HOXB3: variants seen among roughly 807,000 people sequenced by gnomAD.
The protein encoded by HOXB3 is homeobox protein Hox-B3.
Under a neutral mutation model 29.2 loss-of-function variants are expected in HOXB3, and 17 were observed. That is an observed-to-expected ratio of 0.58 (90% confidence interval 0.40 to 0.87). The LOEUF is 0.87. Ranked by LOEUF, HOXB3 falls within the 40% of genes least tolerant of loss-of-function variation. HOXB3 has a pLI of 0.00. For synonymous variants in HOXB3, 317 were observed against 285.9 expected (o/e 1.11, Z -1.10); for missense variants, 637 against 616.3 (o/e 1.03, Z -0.35).
At chr17:48,553,446 C>A (rs906740722) in intron 3 of HOXB3, 3 of 151,604 alleles carry the variant, frequency 2.0e-5, no homozygotes, top group Non-Finnish European at 2.9e-5. Context: ...CAGGTCTCTC[C>A]CCGGACCTCT....
In HOXB3 at chr17:48,552,121, A is replaced by C. The variant is rs754520157; in HGVS notation, c.354T>G (p.Gly118=). 64 of 1,613,668 alleles carry C rather than the reference A, an allele frequency of 4.0e-5. No homozygotes were observed. The East Asian group carries it at 1.4e-3, about 35-fold the overall frequency. ...GPSKSGPPKC[G]PGTNSTLTKQ... The stretch of plus-strand genomic sequence containing the variant: ...TGGTGAGGGTGGAGTTGGTGCCGGG[A>C]CCGCACTTTGGGGGACCACTTTTGC... The change falls in exon 4 of 5, where the codon GGT becomes GGG. Residue 118 remains glycine (G), a synonymous_variant. Coordinates refer to ENST00000498678, the MANE Select transcript of HOXB3 (RefSeq NM_001384749.1).
At chr17:48,556,727 G>A (rs2069011835) in intron 2 of HOXB3, 1 of 152,188 alleles carries the variant, frequency 6.6e-6, no homozygotes, top group South Asian at 2.1e-4. Context: ...GCTGGCAGTA[G>A]ACGGGCTGAA....
At chr17:48,568,321 G>A (rs1020071466) in intron 2 of HOXB3, among the ~76,000 whole-genome samples, 8 of 152,150 alleles carry the variant, frequency 5.3e-5, no homozygotes, top group Admixed American at 3.9e-4. Context: ...CATTGACTGG[G>A]TTTATATGCC....
intron 2 of HOXB3, among the ~76,000 whole-genome samples, chr17:48,562,413 G>C (rs970163645): frequency 2.0e-5 from 3 of 152,002 alleles, no homozygotes; most frequent in Non-Finnish European, 2.9e-5. Context: ...TCCACGCTCT[G>C]CTGTGCTTCC....
At chr17:48,555,335 G>GGAGAGAGAGA (rs763845981) in intron 3 of HOXB3, 196 bp downstream of exon 3, 88 of 470,712 alleles carry the variant, frequency 1.9e-4, no homozygotes, top group African/African-American at 1.3e-3. Flanking sequence ...AGAGAGAGAG[G>GGAGAGAGAGA]GAGAGAGAGA....
intron 1 of HOXB3, chr17:48,581,969 G>C (rs1487263654): frequency 6.6e-6 from 1 of 152,258 alleles, no homozygotes; most frequent in Non-Finnish European, 1.5e-5. Flanking sequence ...ACAGCAACAC[G>C]CATAATAGTA....
chr17:48,552,183 TG>T lies in HOXB3; in HGVS notation c.291del (p.Ser98ValfsTer36). On this transcript the variant is annotated frameshift_variant, in exon 4 of 5. Coordinates refer to ENST00000498678, the MANE Select transcript of HOXB3 (RefSeq NM_001384749.1). LOFTEE classifies it high-confidence loss of function. ...PGSPPPSAAPTSATSNSSNGG... is the reference protein window; with the variant it reads ...PGSPPPSAAPXSATSNSSNGG... ...CCATTACTGCTGTTGCTAGTGGCAC[TG>T]GTAGGTGCGGCACTGGGCGGGGGTG... 1.2e-6 allele frequency: 2 copies of T among 1,613,766 alleles called. No homozygotes were observed. Among genetic ancestry groups the T allele is most frequent in the Non-Finnish European group, 1.7e-6 (2 of 1,179,834 alleles).
intron 1 of HOXB3, among the ~76,000 whole-genome samples, chr17:48,574,885 T>G (rs1313672762): frequency 6.6e-6 from 1 of 152,254 alleles, no homozygotes; most frequent in Non-Finnish European, 1.5e-5. Flanking sequence ...AGGCCATTTG[T>G]CTTCTTGATT....
chr17:48,580,042 AG>A (rs1382785111), intron 1 of HOXB3: 1 of 422,984 alleles, frequency 2.4e-6, no homozygotes, highest in East Asian at 8.7e-5. Context: ...GTTTTGTTCT[AG>A]TTTTGAGCTC....
intron 2 of HOXB3, among the ~76,000 whole-genome samples, chr17:48,563,940 C>T (rs1195075043): frequency 6.6e-6 from 1 of 151,942 alleles, no homozygotes; most frequent in Non-Finnish European, 1.5e-5. Flanking sequence ...GGCCTCAACG[C>T]CCTTTCTGAG....
rs746864099 is a variant in HOXB3, at chr17:48,550,283, C to A, written c.*51G>T. 3,097 of 1,610,742 alleles carry A rather than the reference C, an allele frequency of 1.9e-3. 3 individuals are homozygous for A. Among genetic ancestry groups the A allele is most frequent in the Non-Finnish European group, 2.5e-3 (2,946 of 1,179,334 alleles). The stretch of plus-strand genomic sequence containing the variant: ...ACCTCCAGGTTGCCCCCCAGAGCTC[C>A]ACAGTCTCTCTCTTCCTCCCCATCC... On this transcript the variant is annotated 3_prime_UTR_variant, in exon 5 of 5. Transcript: ENST00000498678.
Position 48,550,266 on chromosome 17 carries a change from G to A in HOXB3, c.*68C>T, listed in dbSNP as rs1011546984. On this transcript the variant is annotated 3_prime_UTR_variant, in exon 5 of 5. Coordinates refer to ENST00000498678, the MANE Select transcript of HOXB3 (RefSeq NM_001384749.1). ...CTGGCTCCTCTTTTCAGACCTCCAG[G>A]TTGCCCCCCAGAGCTCCACAGTCTC... 13 of 1,600,590 alleles carry A rather than the reference G, an allele frequency of 8.1e-6. No individual in the cohort carries two copies. In the African/African-American group the frequency reaches 1.6e-4, roughly 20 times the overall value.
At chr17:48,573,176 G>T (rs1029999676) in intron 2 of HOXB3, among the ~76,000 whole-genome samples, 3 of 152,158 alleles carry the variant, frequency 2.0e-5, no homozygotes, top group Admixed American at 6.5e-5. Flanking sequence ...AGGCTGGGGG[G>T]ACAGAGCAGA....
intron 2 of HOXB3, among the ~76,000 whole-genome samples, chr17:48,559,229 C>T (rs143898452): frequency 3.9e-5 from 6 of 152,248 alleles, no homozygotes; most frequent in South Asian, 2.1e-4. Flanking sequence ...TTCTAGACCT[C>T]GGCGGCGGGA....
rs746292587 is a variant in HOXB3, at chr17:48,551,102, CCCG to C, written c.525_527del (p.Gly178del). ...ACCCCGGGGGGCTCTTGTCCCCTCC[CCCG>C]CCGCCGCCGCCACCGCCCCCGCTGC... On this transcript the variant is annotated inframe_deletion, in exon 5 of 5. Transcript: ENST00000498678. The C allele has an allele frequency of 1.4e-4, 200 of 1,380,972 alleles. No homozygotes were observed. Among genetic ancestry groups the C allele is most frequent in the South Asian group, 9.1e-4 (49 of 53,676 alleles). The allele number at this position is 1,380,972 out of a possible 1,614,324, so 85.5% of individuals were successfully genotyped here.
chr17:48,587,340 T>C (rs940248939), intron 1 of HOXB3, among the ~76,000 whole-genome samples: 1 of 152,106 alleles, frequency 6.6e-6, no homozygotes, highest in African/African-American at 2.4e-5. Context: ...AAAATCCGAT[T>C]ACTCTGAAAA....
chr17:48,552,367 TGGG>T lies in HOXB3; in HGVS notation c.105_107del (p.Pro36del). ...CCTCCAGGTGCGTGGCGGCCTGAAA[TGGG>T]GGTTGGGGGGGGACATCGAAGCCGA... On this transcript the variant is annotated inframe_deletion, in exon 4 of 5. Transcript: ENST00000498678. 2 of 1,612,706 alleles carry T rather than the reference TGGG, an allele frequency of 1.2e-6. No homozygotes were observed. The highest frequency in any genetic ancestry group is 1.1e-5 in the South Asian group (1 of 91,002).
At chr17:48,576,956 G>T in intron 1 of HOXB3, 2 of 1,614,108 alleles carry the variant, frequency 1.2e-6, no homozygotes, top group Non-Finnish European at 1.7e-6. Context: ...CCAGCTCCAA[G>T]ACCTGCTGGC....
intron 2 of HOXB3, among the ~76,000 whole-genome samples, chr17:48,555,968 A>G (rs1190074841): frequency 1.3e-5 from 2 of 151,818 alleles, no homozygotes; most frequent in South Asian, 2.1e-4. Context: ...GGGAAAAAAA[A>G]CCACACAGAC....
Sources: allele counts gnomAD v4.1 joint callset (sites outside exome capture counted in the v4.1 genomes callset), GRCh38; gene constraint gnomAD v4.1.1; transcripts MANE v1.5; gene names NCBI Gene and HGNC (gene_info 2026-07-23, HGNC 2026-07-21).